MYO5B: variants seen among roughly 807,000 people sequenced by gnomAD.
MYO5B encodes the protein unconventional myosin-Vb.
MYO5B carries 143 observed loss-of-function variants against 229.3 expected under a neutral mutation model. That is an observed-to-expected ratio of 0.62 (90% CI 0.54 to 0.72). The LOEUF (loss-of-function observed/expected upper bound fraction) is 0.72. Ranked by LOEUF, MYO5B falls within the 30% of genes least tolerant of loss-of-function variation. MYO5B has a pLI of 0.00. For missense variants in MYO5B, 2,321 were observed against 2,331.0 expected, an observed-to-expected ratio of 1.00 and a Z score of 0.09; for synonymous variants, 918 against 885.2, an observed-to-expected ratio of 1.04 and a Z score of -0.66.
At chr18:49,865,687 C>G (rs2024387718) in intron 27 of MYO5B, among the ~76,000 whole-genome samples, 1 of 152,180 alleles carries the variant, frequency 6.6e-6, no homozygotes, top group Non-Finnish European at 1.5e-5. Flanking sequence ...AAGGTTTCCT[C>G]CAGCTGTGAC....
intron 26 of MYO5B, among the ~76,000 whole-genome samples, chr18:49,875,290 A>G (rs1199273430): frequency 6.6e-6 from 1 of 152,200 alleles, no homozygotes; most frequent in Admixed American, 6.5e-5. Flanking sequence ...TGACCCAAAA[A>G]GGCTGAACCC....
chr18:49,893,747 C>T (rs986267544), intron 22 of MYO5B, among the ~76,000 whole-genome samples: 1 of 152,182 alleles, frequency 6.6e-6, no homozygotes, highest in African/African-American at 2.4e-5. Flanking sequence ...TGCTGAGGCC[C>T]GAGGTGGGAA....
Position 50,049,217 on chromosome 18 carries a change from C to G in MYO5B, c.138+6051G>C, listed in dbSNP as rs182638041. On this transcript the variant is annotated intron_variant, in intron 2 of 39. Coordinates refer to ENST00000285039, the MANE Select transcript of MYO5B (RefSeq NM_001080467.3). ...ATCATAAGTTGGATGGAAAACTTCA[C>G]AAAGGTACAGATATGTCATTTTTAC... Among the ~76,000 whole-genome samples the G allele has an allele frequency of 1.7e-3, 253 of 152,226 alleles. 1 individual carries two copies. The highest frequency in any genetic ancestry group is 2.4e-3 in the Admixed American group (37 of 15,284).
chr18:49,865,917 C>A (rs646199), intron 27 of MYO5B, among the ~76,000 whole-genome samples: 63,435 of 151,776 alleles, frequency 0.42, 13,917 homozygotes, highest in Middle Eastern at 0.55. Context: ...CCATACCTCA[C>A]TGGTCCCCCA....
intron 1 of MYO5B, among the ~76,000 whole-genome samples, chr18:50,151,684 C>T (rs527920799): frequency 3.8e-4 from 58 of 152,252 alleles, no homozygotes; most frequent in African/African-American, 1.3e-3. Context: ...TTCCCTTCTT[C>T]TAAAACACTG....
intron 1 of MYO5B, among the ~76,000 whole-genome samples, chr18:50,146,892 T>A (rs2032512195): frequency 6.6e-6 from 1 of 151,966 alleles, no homozygotes; most frequent in Admixed American, 6.6e-5. Flanking sequence ...GAAGTGGGGG[T>A]AGAGAAAGGG....
intron 1 of MYO5B, among the ~76,000 whole-genome samples, chr18:50,079,744 G>A (rs929614533): frequency 5.3e-5 from 8 of 152,188 alleles, no homozygotes; most frequent in South Asian, 2.1e-4. Flanking sequence ...CTGTAGCAGC[G>A]GAATCAGACT....
At chr18:49,897,300 C>T (rs2024789757) in intron 21 of MYO5B, among the ~76,000 whole-genome samples, 1 of 152,132 alleles carries the variant, frequency 6.6e-6, no homozygotes, top group African/African-American at 2.4e-5. Flanking sequence ...CCCTCCCTGC[C>T]ATGTTACTGC....
intron 20 of MYO5B, 28 bp downstream of exon 20, chr18:49,904,644 C>T (rs1177644903): frequency 1.1e-5 from 17 of 1,613,716 alleles, no homozygotes; most frequent in African/African-American, 8.0e-5. Flanking sequence ...GAATCTGCAG[C>T]CCTGAGGCCC....
chr18:49,929,138 G>A (rs2025161238), intron 17 of MYO5B, among the ~76,000 whole-genome samples: 1 of 152,170 alleles, frequency 6.6e-6, no homozygotes. Context: ...AAGTAGTTAA[G>A]ATGGTAAATA....
At chr18:50,046,977 A>ATAAAAACCCT (rs1274088218) in intron 2 of MYO5B, among the ~76,000 whole-genome samples, 2 of 152,206 alleles carry the variant, frequency 1.3e-5, no homozygotes, top group East Asian at 3.8e-4. Context: ...ACCTAAAACC[A>ATAAAAACCCT]TAAAAACCCT....
At chr18:49,931,188 G>C (rs1005084692) in intron 16 of MYO5B, among the ~76,000 whole-genome samples, 14 of 152,212 alleles carry the variant, frequency 9.2e-5, no homozygotes, top group African/African-American at 3.4e-4. Flanking sequence ...GGCTCAGTGG[G>C]TACTTGGCAC....
intron 27 of MYO5B, among the ~76,000 whole-genome samples, chr18:49,868,295 G>A (rs2024419846): frequency 6.6e-6 from 1 of 151,984 alleles, no homozygotes; most frequent in African/African-American, 2.4e-5. Flanking sequence ...AATGAAAAAT[G>A]TCTATAAAAA....
intron 2 of MYO5B, among the ~76,000 whole-genome samples, chr18:50,043,275 TATTTATATTTATATA>T (rs1428436891): frequency 2.0e-5 from 2 of 99,718 alleles, no homozygotes; most frequent in African/African-American, 7.7e-5. Flanking sequence ...TTTATAAATA[TATTTATATTTATATA>T]TTATATATAA....
chr18:49,990,424 C>A lies in MYO5B; in HGVS notation c.838+15G>T, dbSNP rs772173656. 5 of 1,608,484 alleles carry A rather than the reference C, an allele frequency of 3.1e-6. No homozygotes were observed. In the South Asian group the frequency reaches 3.3e-5, roughly 11 times the overall value. On this transcript the variant is annotated intron_variant, in intron 7 of 39. Coordinates refer to ENST00000285039, the MANE Select transcript of MYO5B (RefSeq NM_001080467.3). ...TAGCCCACCCCAGAGGATAGGCATG[C>A]ACCTGTTGACTTACTTAGTGCAAGC... is the stretch of plus-strand genomic sequence containing the variant.
At chr18:49,901,693 ACT>A (rs1278051842) in intron 21 of MYO5B, among the ~76,000 whole-genome samples, 1 of 152,088 alleles carries the variant, frequency 6.6e-6, no homozygotes, top group Non-Finnish European at 1.5e-5. Context: ...CAAAGCAAAC[ACT>A]CTTTCCAAAA....
chr18:49,896,208 G>C (rs796346560), intron 21 of MYO5B, among the ~76,000 whole-genome samples: 10 of 152,250 alleles, frequency 6.6e-5, no homozygotes, highest in African/African-American at 2.4e-4. Context: ...TTGTGGTTGT[G>C]ACCAGTACGG....
rs1436551855 is a variant in MYO5B, at chr18:50,036,971, G to T, written c.334C>A (p.Pro112Thr). The change falls in exon 4 of 40, where the codon CCT (proline) becomes ACT (threonine). Residue 112 changes from proline (P) to threonine (T), a missense_variant. Physicochemically the swap from Pro to Thr is conservative, Grantham distance 38 (BLOSUM62 -1). This residue lies in a region of MYO5B where 2,113 missense variants were observed against 2,044.7 expected (regional missense o/e 1.03). Transcript: ENST00000285039. ...CCATAGATTGGCAACTGTTCATAAG[G>T]ATTAATGGCAACAAGTACGATACCT... is the stretch of plus-strand genomic sequence containing the variant. ...YCGIVLVAINPYEQLPIYGQD... is the reference protein window; with the variant it reads ...YCGIVLVAINTYEQLPIYGQD... 6.2e-7 allele frequency: 1 copy of T among 1,614,146 alleles called. No homozygotes were observed. The highest frequency in any genetic ancestry group is 8.5e-7 in the Non-Finnish European group (1 of 1,180,026).
At chr18:49,858,018 G>C (rs543468) in intron 29 of MYO5B, among the ~76,000 whole-genome samples, 100,391 of 152,038 alleles carry the variant, frequency 0.66, 33,427 homozygotes, top group Admixed American at 0.77. Context: ...GACCTGTAAT[G>C]CCCTCGTCCT....
Sources: allele counts gnomAD v4.1 joint callset (sites outside exome capture counted in the v4.1 genomes callset), GRCh38; gene constraint gnomAD v4.1.1; regional missense constraint gnomAD v4.1.1; transcripts MANE v1.5; gene names NCBI Gene and HGNC (gene_info 2026-07-23, HGNC 2026-07-21).